Variants in TOP6BL observed in about 807,000 individuals in gnomAD.
TOP6BL encodes the protein TOP6B like initiator of meiotic double strand breaks, also known as type 2 DNA topoisomerase 6 subunit B-like.
the TOP6BL span, among the ~76,000 whole-genome samples, chr11:66,823,380 A>C: frequency 6.6e-6 from 1 of 151,988 alleles, no homozygotes. Context: ...TAGAAACATT[A>C]CTTTATTTGC....
At chr11:66,826,286 A>G in the TOP6BL span, among the ~76,000 whole-genome samples, 1 of 152,236 alleles carries the variant, frequency 6.6e-6, no homozygotes, top group South Asian at 2.1e-4. Flanking sequence ...ATTTTCATAT[A>G]TAATTTGCCA....
the TOP6BL span, among the ~76,000 whole-genome samples, chr11:66,809,420 A>G: frequency 6.6e-6 from 1 of 152,208 alleles, no homozygotes; most frequent in Non-Finnish European, 1.5e-5. Context: ...TAATAAACTT[A>G]CCTGTATATT....
chr11:66,794,705 A>G, the TOP6BL span, among the ~76,000 whole-genome samples: 1 of 152,208 alleles, frequency 6.6e-6, no homozygotes, highest in Non-Finnish European at 1.5e-5. Flanking sequence ...AACATGGGCA[A>G]TTAGTATTAG....
At chr11:66,804,139 C>T in the TOP6BL span, 1 of 1,613,840 alleles carries the variant, frequency 6.2e-7, no homozygotes. Context: ...CTGCACTGTG[C>T]CCCAGCCCAA....
At chr11:66,792,403 A>T in the TOP6BL span, among the ~76,000 whole-genome samples, 1 of 152,226 alleles carries the variant, frequency 6.6e-6, no homozygotes, top group East Asian at 1.9e-4. Flanking sequence ...TTAATATTTT[A>T]TGAGTGAGTA....
At chr11:66,750,583 G>T in the TOP6BL span, among the ~76,000 whole-genome samples, 4 of 151,572 alleles carry the variant, frequency 2.6e-5, no homozygotes, top group Non-Finnish European at 4.4e-5. Context: ...AGTACCCTGC[G>T]TGCTTCCCCC....
chr11:66,840,319 C>T, the TOP6BL span, among the ~76,000 whole-genome samples: 1 of 152,182 alleles, frequency 6.6e-6, no homozygotes, highest in East Asian at 1.9e-4. Flanking sequence ...ACTTACGGAT[C>T]TCTTTTCTCA....
chr11:66,794,112 T>TA, the TOP6BL span, among the ~76,000 whole-genome samples: 29,715 of 110,294 alleles, frequency 0.27, 3,603 homozygotes, highest in Middle Eastern at 0.35. Flanking sequence ...ACCCTGTTTC[T>TA]AAAAAAAAAA....
the TOP6BL span, among the ~76,000 whole-genome samples, chr11:66,792,185 T>C: frequency 1.3e-5 from 2 of 152,184 alleles, no homozygotes; most frequent in Non-Finnish European, 2.9e-5. Flanking sequence ...TTGTGTTGTA[T>C]TAATTATCCT....
At chr11:66,798,686 C>A in the TOP6BL span, among the ~76,000 whole-genome samples, 9 of 150,430 alleles carry the variant, frequency 6.0e-5, no homozygotes, top group African/African-American at 2.2e-4. Flanking sequence ...TTTGTGACAA[C>A]CTGGAGCTGT....
the TOP6BL span, among the ~76,000 whole-genome samples, chr11:66,780,195 A>C: frequency 6.6e-6 from 1 of 152,160 alleles, no homozygotes; most frequent in African/African-American, 2.4e-5. Flanking sequence ...GAATAGGTAA[A>C]TAGTGTTTTT....
the TOP6BL span, chr11:66,796,408 A>T: frequency 6.9e-7 from 1 of 1,458,670 alleles, no homozygotes; most frequent in Non-Finnish European, 9.5e-7. Flanking sequence ...TATTTAAGTC[A>T]TTGTTTTCCA....
At chr11:66,747,598 G>GA in the TOP6BL span, among the ~76,000 whole-genome samples, 2 of 152,054 alleles carry the variant, frequency 1.3e-5, no homozygotes, top group Admixed American at 1.3e-4. Flanking sequence ...CTGTGGTTTG[G>GA]AGAGATTAAG....
At chr11:66,783,069 G>A in the TOP6BL span, among the ~76,000 whole-genome samples, 1 of 152,170 alleles carries the variant, frequency 6.6e-6, no homozygotes, top group Non-Finnish European at 1.5e-5. Context: ...GATTTGGCTG[G>A]GTGAGGTGGC....
the TOP6BL span, among the ~76,000 whole-genome samples, chr11:66,761,105 C>G: frequency 6.6e-6 from 1 of 151,770 alleles, no homozygotes; most frequent in African/African-American, 2.4e-5. Context: ...GGCGCGGTGG[C>G]TCACGCCTGT....
the TOP6BL span, among the ~76,000 whole-genome samples, chr11:66,808,549 C>T: frequency 2.6e-5 from 4 of 151,924 alleles, no homozygotes; most frequent in East Asian, 5.8e-4. Flanking sequence ...AAAAATTATG[C>T]TTACTATGTT....
the TOP6BL span, chr11:66,788,098 C>A: frequency 1.7e-6 from 2 of 1,199,870 alleles, no homozygotes; most frequent in Non-Finnish European, 2.5e-6. Context: ...TAAACAAATC[C>A]AGAAATCCTG....
At chr11:66,796,783 T>G in the TOP6BL span, among the ~76,000 whole-genome samples, 5 of 143,570 alleles carry the variant, frequency 3.5e-5, no homozygotes, top group African/African-American at 1.4e-4. Flanking sequence ...ACCCTGTCTT[T>G]GGAAAAAAAA....
the TOP6BL span, among the ~76,000 whole-genome samples, chr11:66,780,297 A>C: frequency 3.3e-5 from 5 of 152,198 alleles, no homozygotes; most frequent in Non-Finnish European, 5.9e-5. Flanking sequence ...GCTGTCAAGA[A>C]AAATTCAAGG....
Sources: gnomAD v4.1 joint callset for allele counts (sites outside exome capture counted in the v4.1 genomes callset) on GRCh38, gnomAD v4.1.1 for gene constraint, MANE v1.5 for transcripts, NCBI Gene and HGNC (gene_info 2026-07-23, HGNC 2026-07-21) for gene names.